The following ACYP2 variants were observed in gnomAD, a reference collection of about 807,000 sequenced individuals.
ACYP2 encodes the protein acylphosphatase-2.
In ACYP2, 12 loss-of-function variants were observed where a neutral mutation model predicts 11.2. The ratio of observed to expected loss-of-function variants is 1.08; its 90% CI spans 0.69 to 1.74. ACYP2 has a LOEUF of 1.74. ACYP2 is among the 40% of genes most tolerant of loss of function. The pLI is 0.00. For missense variants in ACYP2, 134 were observed against 101.9 expected (o/e 1.31, Z -1.35); for synonymous variants, 43 against 32.2 (o/e 1.33, Z -1.13).
intron 2 of ACYP2, among the ~76,000 whole-genome samples, chr2:53,985,377 AT>A (rs908234842): frequency 1.7e-4 from 26 of 151,652 alleles, no homozygotes; most frequent in African/African-American, 6.0e-4. Context: ...AGGATTTAGC[AT>A]TTTTTTCATA....
At chr2:54,042,464 T>C (rs138407863) in intron 2 of ACYP2, among the ~76,000 whole-genome samples, 27 of 152,376 alleles carry the variant, frequency 1.8e-4, no homozygotes, top group African/African-American at 4.3e-4. Flanking sequence ...GTTTAAGTTT[T>C]TCCTTAGATT....
At chr2:54,265,380 T>A (rs1687971547) in intron 6 of ACYP2, among the ~76,000 whole-genome samples, 1 of 152,126 alleles carries the variant, frequency 6.6e-6, no homozygotes, top group African/African-American at 2.4e-5. Flanking sequence ...AAGAATAGCA[T>A]GGGAAAGACC....
intron 2 of ACYP2, among the ~76,000 whole-genome samples, chr2:53,989,981 C>CTTTTTT (rs112395166): frequency 7.0e-6 from 1 of 143,184 alleles, no homozygotes. Context: ...CTTTTCTTTT[C>CTTTTTT]TTTTTTTTTT....
chr2:54,156,565 C>T (rs1197751470), intron 6 of ACYP2, among the ~76,000 whole-genome samples: 1 of 152,206 alleles, frequency 6.6e-6, no homozygotes, highest in Non-Finnish European at 1.5e-5. Flanking sequence ...CTTCCAGGTC[C>T]ATCCACGTCC....
chr2:54,196,393 A>G (rs973301081), intron 6 of ACYP2, among the ~76,000 whole-genome samples: 1 of 151,980 alleles, frequency 6.6e-6, no homozygotes, highest in Non-Finnish European at 1.5e-5. Flanking sequence ...TAAAAAAAAG[A>G]TTTGTCCTTT....
rs188155172 is a variant in ACYP2 at position 54,273,684 on chromosome 2, G to A, written c.405-31004G>A. 6.6e-5 allele frequency among the ~76,000 whole-genome samples: 10 copies of A among 152,198 alleles called. No individual in the cohort carries two copies. In the East Asian group the frequency reaches 9.7e-4, roughly 15 times the overall value. On this transcript the variant is annotated intron_variant, in intron 6 of 6. Coordinates refer to ENST00000607452, the MANE Select transcript of ACYP2 (RefSeq NM_001320586.2). The stretch of plus-strand genomic sequence containing the variant: ...TTTCACCATGTTTGCCAGGCTGGTC[G>A]TGAACTCCTGACCTCAGGTGATTCA...
chr2:54,172,680 T>C (rs950731849), intron 6 of ACYP2, among the ~76,000 whole-genome samples: 1 of 152,132 alleles, frequency 6.6e-6, no homozygotes, highest in African/African-American at 2.4e-5. Flanking sequence ...TGTATACATG[T>C]GCCATGTTGG....
chr2:54,217,626 G>T (rs1434226117), intron 6 of ACYP2, among the ~76,000 whole-genome samples: 1 of 152,084 alleles, frequency 6.6e-6, no homozygotes, highest in East Asian at 1.9e-4. Flanking sequence ...CCCTGCCTCG[G>T]CTTCCCAAAG....
chr2:54,014,874 C>A (rs1021227959), intron 2 of ACYP2, among the ~76,000 whole-genome samples: 4 of 152,126 alleles, frequency 2.6e-5, no homozygotes, highest in Non-Finnish European at 4.4e-5. Context: ...GTCCTCCCAC[C>A]TCAGCCTCTC....
At chr2:54,088,243 G>A (rs1678041912) in intron 4 of ACYP2, among the ~76,000 whole-genome samples, 1 of 152,182 alleles carries the variant, frequency 6.6e-6, no homozygotes, top group African/African-American at 2.4e-5. Flanking sequence ...CCTCAGAAGA[G>A]GCCCAGAGAG....
Position 54,083,257 on chromosome 2 carries a change from A to T in ACYP2, c.277+25897A>T, listed in dbSNP as rs113757996. On this transcript the variant is annotated intron_variant, in intron 4 of 6. Transcript: ENST00000607452. The stretch of plus-strand genomic sequence containing the variant: ...CCCGCCAGGGGTCAGTTTGCGAATG[A>T]TGTCTCTCTTGAGGGCTAATCAATA... 2.3e-3 allele frequency among the ~76,000 whole-genome samples: 343 copies of T among 152,284 alleles called. 1 individual carries two copies. Among genetic ancestry groups the T allele is most frequent in the Admixed American group, 5.3e-3 (81 of 15,288 alleles).
At chr2:54,215,094 T>G (rs1038690189) in intron 6 of ACYP2, among the ~76,000 whole-genome samples, 1 of 152,220 alleles carries the variant, frequency 6.6e-6, no homozygotes, top group Non-Finnish European at 1.5e-5. Context: ...TTTTGTATAT[T>G]GATTTTGTAT....
intron 2 of ACYP2, among the ~76,000 whole-genome samples, chr2:53,974,062 A>G (rs1573418500): frequency 6.6e-6 from 1 of 151,290 alleles, no homozygotes; most frequent in Non-Finnish European, 1.5e-5. Flanking sequence ...GCGCACCACC[A>G]CATCCAGATA....
At chr2:54,165,450 G>A (rs1354941213) in intron 6 of ACYP2, among the ~76,000 whole-genome samples, 1 of 151,412 alleles carries the variant, frequency 6.6e-6, no homozygotes, top group Non-Finnish European at 1.5e-5. Flanking sequence ...CATCTGGTCT[G>A]TCTGTCTGTC....
At chr2:54,249,227 A>G (rs904143821) in intron 6 of ACYP2, among the ~76,000 whole-genome samples, 2 of 152,214 alleles carry the variant, frequency 1.3e-5, no homozygotes, top group African/African-American at 2.4e-5. Context: ...GGGACTGCCA[A>G]TAATGTAGAC....
chr2:54,180,979 T>C (rs181568088), intron 6 of ACYP2, among the ~76,000 whole-genome samples: 2 of 152,328 alleles, frequency 1.3e-5, no homozygotes, highest in Admixed American at 1.3e-4. Flanking sequence ...GATTTCAAGA[T>C]AGGAATTTTA....
intron 6 of ACYP2, among the ~76,000 whole-genome samples, chr2:54,181,931 T>A (rs948368079): frequency 4.6e-5 from 7 of 151,930 alleles, no homozygotes; most frequent in Non-Finnish European, 8.8e-5. Context: ...AGGCCATAAA[T>A]CTTAAAATCT....
At chr2:54,208,589 C>G (rs373547291) in intron 6 of ACYP2, among the ~76,000 whole-genome samples, 1 of 152,012 alleles carries the variant, frequency 6.6e-6, no homozygotes, top group South Asian at 2.1e-4. Flanking sequence ...ATTTTCTTAG[C>G]TCCAAAGGCC....
chr2:54,201,590 C>G (rs1334211011), intron 6 of ACYP2, among the ~76,000 whole-genome samples: 1 of 88,298 alleles, frequency 1.1e-5, no homozygotes, highest in South Asian at 5.5e-4. Flanking sequence ...CTTTTTCTTT[C>G]TTTCTCTTTC....
Sources: allele counts gnomAD v4.1 joint callset (sites outside exome capture counted in the v4.1 genomes callset), GRCh38; gene constraint gnomAD v4.1.1; transcripts MANE v1.5; gene names NCBI Gene and HGNC (gene_info 2026-07-23, HGNC 2026-07-21).